TENM3: variants seen among roughly 807,000 people sequenced by gnomAD.
TENM3 encodes teneurin transmembrane protein 3.
A neutral mutation model predicts 255.1 loss-of-function variants in TENM3; 63 were observed. The ratio of observed to expected loss-of-function variants is 0.25; its 90% CI spans 0.20 to 0.30. The LOEUF (loss-of-function observed/expected upper bound fraction) is 0.30. Ranked by LOEUF, TENM3 falls within the 10% of genes least tolerant of loss-of-function variation. TENM3 has a pLI of 1.00. For synonymous variants in TENM3, 1,306 were observed against 1,322.3 expected, an observed-to-expected ratio of 0.99 and a Z score of 0.27; for missense variants, 2,929 against 3,461.1, an observed-to-expected ratio of 0.85 and a Z score of 3.86.
the TENM3 span, among the ~76,000 whole-genome samples, chr4:181,762,918 TAAAA>T: frequency 5.5e-4 from 82 of 150,092 alleles, no homozygotes; most frequent in East Asian, 0.016. Flanking sequence ...ACAGTGGTAG[TAAAA>T]AAAAAACGAG....
At chr4:182,091,935 T>C in the TENM3 span, among the ~76,000 whole-genome samples, 1 of 152,178 alleles carries the variant, frequency 6.6e-6, no homozygotes, top group Non-Finnish European at 1.5e-5. Context: ...CTCGATTTTG[T>C]TCTTTAAAAG....
chr4:182,044,305 A>G, the TENM3 span, among the ~76,000 whole-genome samples: 62 of 152,234 alleles, frequency 4.1e-4, 1 homozygote, highest in Non-Finnish European at 6.2e-4. Context: ...TCTTCAAACT[A>G]TATGATTTAG....
chr4:181,896,001 A>C, the TENM3 span, among the ~76,000 whole-genome samples: 2 of 152,192 alleles, frequency 1.3e-5, no homozygotes, highest in Admixed American at 6.5e-5. Context: ...TGACTTCCTG[A>C]CATTCCCCCT....
chr4:182,346,214 C>G (rs1189566043), intron 2 of TENM3, among the ~76,000 whole-genome samples: 1 of 152,126 alleles, frequency 6.6e-6, no homozygotes, highest in Non-Finnish European at 1.5e-5. Context: ...TGAAGGGAAA[C>G]TTTTCTCTTC....
intron 3 of TENM3, among the ~76,000 whole-genome samples, chr4:182,376,527 T>A (rs1767190177): frequency 6.6e-6 from 1 of 152,210 alleles, no homozygotes; most frequent in Admixed American, 6.5e-5. Context: ...CAAGTTTAAA[T>A]ATCATTTAAA....
the TENM3 span, among the ~76,000 whole-genome samples, chr4:181,465,061 G>T: frequency 2.0e-5 from 3 of 152,026 alleles, no homozygotes; most frequent in Middle Eastern, 6.3e-3. Flanking sequence ...TATCTCTTAT[G>T]TTTTCTTTTA....
chr4:182,096,063 A>C, the TENM3 span, among the ~76,000 whole-genome samples: 3 of 151,830 alleles, frequency 2.0e-5, no homozygotes, highest in East Asian at 5.8e-4. Flanking sequence ...TAGGGAGGTC[A>C]AGACGACAGT....
At chr4:181,977,282 A>G in the TENM3 span, among the ~76,000 whole-genome samples, 8 of 152,242 alleles carry the variant, frequency 5.3e-5, no homozygotes, top group South Asian at 1.0e-3. Flanking sequence ...CTTGAACAGA[A>G]CACAGCGCAC....
the TENM3 span, among the ~76,000 whole-genome samples, chr4:181,581,507 A>G: frequency 3.3e-5 from 5 of 152,172 alleles, no homozygotes; most frequent in African/African-American, 4.8e-5. Context: ...CGGTTTTCCT[A>G]CTATCTTGCA....
the TENM3 span, among the ~76,000 whole-genome samples, chr4:182,110,267 A>T: frequency 5.3e-5 from 8 of 152,048 alleles, no homozygotes; most frequent in Non-Finnish European, 1.2e-4. Flanking sequence ...CAAAGCAAAA[A>T]TATTTACTAT....
chr4:182,279,730 T>C (rs1300544721), intron 1 of TENM3, among the ~76,000 whole-genome samples: 1 of 152,200 alleles, frequency 6.6e-6, no homozygotes, highest in African/African-American at 2.4e-5. Context: ...TTTCTGCCCA[T>C]AGTGGATCGC....
the TENM3 span, among the ~76,000 whole-genome samples, chr4:182,091,356 G>A: frequency 1.3e-5 from 2 of 152,210 alleles, no homozygotes; most frequent in African/African-American, 4.8e-5. Context: ...GGGTGAAAGG[G>A]CAAAGGGGAT....
chr4:181,999,782 A>G, the TENM3 span, among the ~76,000 whole-genome samples: 4,943 of 152,208 alleles, frequency 0.032, 247 homozygotes, highest in African/African-American at 0.11. Context: ...AAATGTGACT[A>G]GAACATTGCT....
chr4:182,190,495 G>A (rs1753445993), intron 1 of TENM3: 1 of 152,164 alleles, frequency 6.6e-6, no homozygotes, highest in Non-Finnish European at 1.5e-5. Flanking sequence ...CATTTCATGT[G>A]GTTCATGATA....
At chr4:181,599,799 A>G in the TENM3 span, among the ~76,000 whole-genome samples, 875 of 152,284 alleles carry the variant, frequency 5.7e-3, 10 homozygotes, top group African/African-American at 0.02. Context: ...CTTCATCTCT[A>G]TATTTTACTC....
the TENM3 span, among the ~76,000 whole-genome samples, chr4:181,454,395 T>C: frequency 6.6e-6 from 1 of 152,158 alleles, no homozygotes; most frequent in Non-Finnish European, 1.5e-5. Context: ...CTAGTGGTAG[T>C]GTAGCCATCG....
the TENM3 span, among the ~76,000 whole-genome samples, chr4:181,637,221 A>G: frequency 4.7e-5 from 4 of 85,266 alleles, no homozygotes; most frequent in African/African-American, 7.2e-5. Context: ...TTCTATAACA[A>G]CAACAAAAAA....
intron 6 of TENM3, among the ~76,000 whole-genome samples, chr4:182,668,417 A>C (rs1754905158): frequency 6.6e-6 from 1 of 151,970 alleles, no homozygotes; most frequent in South Asian, 2.1e-4. Context: ...GGATATGGCT[A>C]CCCTTTTTTA....
chr4:182,125,515 T>C, the TENM3 span, among the ~76,000 whole-genome samples: 1 of 152,142 alleles, frequency 6.6e-6, no homozygotes, highest in Non-Finnish European at 1.5e-5. Flanking sequence ...AGGCTTAAAA[T>C]TGACGTTGGG....
Sources: gnomAD v4.1 joint callset for allele counts (sites outside exome capture counted in the v4.1 genomes callset) on GRCh38, gnomAD v4.1.1 for gene constraint, MANE v1.5 for transcripts, NCBI Gene and HGNC (gene_info 2026-07-23, HGNC 2026-07-21) for gene names.